AHCYL2: variants seen among roughly 807,000 people sequenced by gnomAD.
The protein encoded by AHCYL2 is S-adenosylhomocysteine hydrolase-like protein 2.
A neutral mutation model predicts 81.4 loss-of-function variants in AHCYL2; 28 were observed. The observed-to-expected ratio is 0.34, with a 90% confidence interval of 0.25 to 0.47. The LOEUF is 0.47. AHCYL2 is among the 20% of genes least tolerant of loss of function. The probability of loss-of-function intolerance (pLI) is 1.00; values close to 1 mark genes in which losing one functional copy is unlikely to be tolerated. For missense variants in AHCYL2, 551 were observed against 785.1 expected, an observed-to-expected ratio of 0.70 and a Z score of 3.56; for synonymous variants, 272 against 290.2, an observed-to-expected ratio of 0.94 and a Z score of 0.64.
intron 13 of AHCYL2, 142 bp downstream of exon 13, chr7:129,423,080 A>C: frequency 1.6e-6 from 1 of 634,454 alleles, no homozygotes; most frequent in Admixed American, 3.5e-5. Flanking sequence ...TTTTACTTCT[A>C]ATTGTGAAAG....
intron 1 of AHCYL2, among the ~76,000 whole-genome samples, chr7:129,285,987 G>A (rs1436389102): frequency 6.6e-6 from 1 of 151,826 alleles, no homozygotes; most frequent in African/African-American, 2.4e-5. Flanking sequence ...GCTGGGATTA[G>A]GGGCATGAAC....
intron 1 of AHCYL2, among the ~76,000 whole-genome samples, chr7:129,234,217 A>AT (rs963273839): frequency 1.3e-5 from 2 of 151,878 alleles, no homozygotes; most frequent in South Asian, 2.1e-4. Context: ...TACCTGGCTA[A>AT]TTTTTTTATG....
chr7:129,421,869 T>C (rs757548127), intron 12 of AHCYL2, among the ~76,000 whole-genome samples: 14 of 152,272 alleles, frequency 9.2e-5, no homozygotes, highest in Non-Finnish European at 1.6e-4. Context: ...CAGTCTTATC[T>C]ATATTCATGC....
At chr7:129,327,217 G>A (rs1294524186) in intron 1 of AHCYL2, among the ~76,000 whole-genome samples, 1 of 152,070 alleles carries the variant, frequency 6.6e-6, no homozygotes. Context: ...GATGGGATTA[G>A]TACCCTTATA....
At chr7:129,255,268 GAAA>G (rs1795374146) in intron 1 of AHCYL2, among the ~76,000 whole-genome samples, 1 of 150,788 alleles carries the variant, frequency 6.6e-6, no homozygotes, top group Non-Finnish European at 1.5e-5. Context: ...CTCAAAAAAA[GAAA>G]AAAAAGTAAA....
At chr7:129,321,743 GT>G in intron 1 of AHCYL2, among the ~76,000 whole-genome samples, 19,666 of 77,806 alleles carry the variant, frequency 0.25, 2,265 homozygotes, top group South Asian at 0.37. Context: ...TTCTTTCTTT[GT>G]TTTTTTTTTT....
chr7:129,238,091 C>T (rs933593528), intron 1 of AHCYL2, among the ~76,000 whole-genome samples: 40 of 152,066 alleles, frequency 2.6e-4, no homozygotes, highest in African/African-American at 9.2e-4. Flanking sequence ...AAAATTTTTC[C>T]CGGGTTAGGT....
chr7:129,255,218 G>A (rs929165326), intron 1 of AHCYL2, among the ~76,000 whole-genome samples: 6 of 151,970 alleles, frequency 3.9e-5, no homozygotes, highest in Admixed American at 2.6e-4. Flanking sequence ...CCGAGATCGC[G>A]CCATTGCACT....
chr7:129,241,997 C>A (rs904528284), intron 1 of AHCYL2, among the ~76,000 whole-genome samples: 5 of 152,130 alleles, frequency 3.3e-5, no homozygotes, highest in Middle Eastern at 3.4e-3. Flanking sequence ...ATGTTTAGTA[C>A]TTTTGCTATA....
At chr7:129,278,924 T>C (rs1250189050) in intron 1 of AHCYL2, among the ~76,000 whole-genome samples, 1 of 152,198 alleles carries the variant, frequency 6.6e-6, no homozygotes, top group Non-Finnish European at 1.5e-5. Flanking sequence ...ATTGATCTGT[T>C]TGTCTAACTT....
In AHCYL2 at chr7:129,406,991, T is replaced by C. The variant is rs116636864; in HGVS notation, c.1295+525T>C. Among the ~76,000 whole-genome samples, 1,229 of 152,322 alleles carry C rather than the reference T, an allele frequency of 8.1e-3. 16 individuals are homozygous for C. Among genetic ancestry groups the C allele is most frequent in the African/African-American group, 0.028 (1,149 of 41,570 alleles). ...ATTCTAAAATTAAAAGTTAAAACTTTTCTTATCTATAAAATGTGTGTAATC... is the reference window on the plus strand; with the variant it reads ...ATTCTAAAATTAAAAGTTAAAACTTCTCTTATCTATAAAATGTGTGTAATC... On this transcript the variant is annotated intron_variant, in intron 10 of 16. Transcript: ENST00000325006. This position sits in a 1 kb window ranked among gnomAD's most constrained non-coding sequence, Gnocchi z 4.3.
At chr7:129,342,081 TAGAA>T (rs1793205250) in intron 1 of AHCYL2, among the ~76,000 whole-genome samples, 1 of 152,012 alleles carries the variant, frequency 6.6e-6, no homozygotes, top group Non-Finnish European at 1.5e-5. Flanking sequence ...AGAAAGTAAA[TAGAA>T]AGAGTTTAAT....
rs1554489626 is a variant in AHCYL2 at position 129,376,718 on chromosome 7, G to GTA, written c.364-2919_364-2918dup. On this transcript the variant is annotated intron_variant, in intron 1 of 16. Transcript: ENST00000325006. ...TGTGCATATGCACCCACATGTACAT[G>GTA]TACGCAGGTGTGTGGTTGTGTTGGG... Among the ~76,000 whole-genome samples, 4 of 152,348 alleles carry GTA rather than the reference G, an allele frequency of 2.6e-5. No individual in the cohort carries two copies. The South Asian group carries it at 8.3e-4, about 32-fold the overall frequency.
chr7:129,352,937 C>CTTTT lies in AHCYL2; in HGVS notation c.364-26681_364-26678dup, dbSNP rs59762582. 3.6e-3 allele frequency among the ~76,000 whole-genome samples: 298 copies of CTTTT among 82,206 alleles called. 1 individual carries two copies. The highest frequency in any genetic ancestry group is 4.5e-3 in the Non-Finnish European group (201 of 44,594). The allele number at this position is 82,206 out of a possible 152,430, so 53.9% of individuals were successfully genotyped here. ...ATGTTTAGGCCTTTACCTCCTCATT[C>CTTTT]TTTTTTTTTTTTTTTTTTTTTTTGG... On this transcript the variant is annotated intron_variant, in intron 1 of 16. Coordinates refer to ENST00000325006, the MANE Select transcript of AHCYL2 (RefSeq NM_015328.4).
chr7:129,250,403 C>T (rs957721880), intron 1 of AHCYL2, among the ~76,000 whole-genome samples: 13 of 152,154 alleles, frequency 8.5e-5, no homozygotes, highest in African/African-American at 3.1e-4. Flanking sequence ...TTGTATTCTG[C>T]AATTTTAATA....
intron 10 of AHCYL2, among the ~76,000 whole-genome samples, chr7:129,408,031 T>A (rs1796384987): frequency 6.6e-6 from 1 of 152,192 alleles, no homozygotes; most frequent in South Asian, 2.1e-4. Context: ...AGTTGGCAGA[T>A]GAAATACATT....
At chr7:129,322,835 A>T (rs1197708491) in intron 1 of AHCYL2, among the ~76,000 whole-genome samples, 1 of 152,154 alleles carries the variant, frequency 6.6e-6, no homozygotes, top group Non-Finnish European at 1.5e-5. Context: ...AGCTCAAGTG[A>T]TCCACCTGCT....
intron 1 of AHCYL2, among the ~76,000 whole-genome samples, chr7:129,303,252 G>T (rs1020703695): frequency 2.6e-5 from 4 of 152,210 alleles, no homozygotes; most frequent in Admixed American, 2.6e-4. Flanking sequence ...GCCCGCCTTG[G>T]CCTCCGAAAG....
chr7:129,308,447 A>AG (rs1797522199), intron 1 of AHCYL2, among the ~76,000 whole-genome samples: 1 of 152,116 alleles, frequency 6.6e-6, no homozygotes, highest in East Asian at 1.9e-4. Flanking sequence ...AGGGGATGGG[A>AG]GAGGGGTGTT....
Sources: allele counts gnomAD v4.1 joint callset (sites outside exome capture counted in the v4.1 genomes callset), GRCh38; gene constraint gnomAD v4.1.1; non-coding constraint Gnocchi (gnomAD v3.1); transcripts MANE v1.5; gene names NCBI Gene and HGNC (gene_info 2026-07-23, HGNC 2026-07-21).